The following HUNK variants were observed in gnomAD, a reference collection of about 807,000 sequenced individuals.
HUNK encodes hormonally up-regulated neu tumor-associated kinase.
HUNK carries 21 observed loss-of-function variants against 61.0 expected under a neutral mutation model. The observed-to-expected ratio is 0.34, with a 90% CI of 0.24 to 0.50. HUNK has a LOEUF of 0.50. Ranked by LOEUF, HUNK falls within the 20% of genes least tolerant of loss-of-function variation. HUNK has a pLI of 0.98. For synonymous variants in HUNK, 371 were observed against 386.1 expected (o/e 0.96, Z 0.46); for missense variants, 772 against 945.7 (o/e 0.82, Z 2.41).
rs549553436 is a variant in HUNK at position 31,986,142 on chromosome 21, C to A, written c.1257+2533C>A. On this transcript the variant is annotated intron_variant, in intron 8 of 10. Transcript: ENST00000270112. ...TGGCCAGTTGCTTACTAAATGTTAACCCCCTCTTGCATGAATGAAGGGGTC... is the reference window on the plus strand; with the variant it reads ...TGGCCAGTTGCTTACTAAATGTTAAACCCCTCTTGCATGAATGAAGGGGTC... Among the ~76,000 whole-genome samples the A allele has an allele frequency of 6.5e-3, 985 of 152,112 alleles. 8 individuals carry two copies. Among genetic ancestry groups the A allele is most frequent in the African/African-American group, 0.021 (862 of 41,482 alleles).
intron 2 of HUNK, among the ~76,000 whole-genome samples, chr21:31,939,870 G>A (rs1037366253): frequency 8.6e-5 from 13 of 151,944 alleles, no homozygotes; most frequent in African/African-American, 3.1e-4. Context: ...CCCTGGTTCT[G>A]CTTAACTTCC....
intron 1 of HUNK, among the ~76,000 whole-genome samples, chr21:31,888,443 A>G (rs911903437): frequency 7.5e-6 from 1 of 133,846 alleles, no homozygotes. Context: ...AGCTATTAAT[A>G]ATATGTGTGT....
At chr21:31,938,739 TTGTA>T (rs950544803) in intron 2 of HUNK, among the ~76,000 whole-genome samples, 2 of 152,110 alleles carry the variant, frequency 1.3e-5, no homozygotes, top group Non-Finnish European at 2.9e-5. Context: ...GAACGTGTGT[TTGTA>T]TGTGTGTGTT....
At chr21:31,875,034 C>T (rs1338431906) in intron 1 of HUNK, among the ~76,000 whole-genome samples, 3 of 152,186 alleles carry the variant, frequency 2.0e-5, no homozygotes, top group African/African-American at 7.2e-5. Context: ...TGCCCCCAGG[C>T]TGGGGGTGGC....
chr21:31,925,427 G>C (rs991392552), intron 2 of HUNK, among the ~76,000 whole-genome samples: 4 of 152,204 alleles, frequency 2.6e-5, no homozygotes, highest in African/African-American at 9.6e-5. Flanking sequence ...TTTTCTTCTT[G>C]TTTGCATAGT....
At position 31,974,723 on chromosome 21, in the gene HUNK, T is replaced by G. The variant is rs758562782; in HGVS notation, c.1173+6T>G. ...TGGAGCGCTATTTGTCAGGGGTAAG[T>G]GCGACCCTAGAGGCGATCGTCTCTG... On this transcript the variant is annotated splice_donor_region_variant and intron_variant, in intron 7 of 10. Transcript: ENST00000270112. 1.2e-6 allele frequency: 2 copies of G among 1,612,032 alleles called. No homozygotes were observed. The highest frequency in any genetic ancestry group is 1.7e-6 in the Non-Finnish European group (2 of 1,179,042).
intron 6 of HUNK, among the ~76,000 whole-genome samples, chr21:31,972,861 T>G (rs2053021296): frequency 6.6e-6 from 1 of 152,088 alleles, no homozygotes; most frequent in Admixed American, 6.5e-5. Context: ...GGAGAACTGA[T>G]GTAGGTTACA....
chr21:31,950,918 T>C (rs1023130214), intron 4 of HUNK, among the ~76,000 whole-genome samples: 3 of 152,120 alleles, frequency 2.0e-5, no homozygotes, highest in African/African-American at 2.4e-5. Context: ...TGGCAGAGAC[T>C]TTATCCACAA....
At chr21:31,939,081 C>A (rs2052751241) in intron 2 of HUNK, among the ~76,000 whole-genome samples, 1 of 152,164 alleles carries the variant, frequency 6.6e-6, no homozygotes, top group Non-Finnish European at 1.5e-5. Context: ...AGACACCTCA[C>A]ACTCAACATG....
Position 31,946,188 on chromosome 21 carries a change from C to G in HUNK, c.746+17C>G. The G allele has an allele frequency of 1.9e-6, 3 of 1,603,718 alleles. No individual in the cohort carries two copies. The highest frequency in any genetic ancestry group is 2.6e-6 in the Non-Finnish European group (3 of 1,171,466). On this transcript the variant is annotated intron_variant, in intron 4 of 10. Transcript: ENST00000270112. ...CTGGTCCATGTGAGTTATCAAGCTT[C>G]TGAAAGTCAGTGTTCCTCCTGCTGT... is the stretch of plus-strand genomic sequence containing the variant.
intron 1 of HUNK, among the ~76,000 whole-genome samples, chr21:31,923,595 G>GAGGGA (rs549422345): frequency 0.054 from 6,419 of 119,278 alleles, 607 homozygotes; most frequent in African/African-American, 0.18. Flanking sequence ...GGGAGGGAGG[G>GAGGGA]AGGGAAGGGA....
intron 1 of HUNK, among the ~76,000 whole-genome samples, chr21:31,885,101 A>G (rs2052336820): frequency 6.6e-6 from 1 of 152,146 alleles, no homozygotes; most frequent in African/African-American, 2.4e-5. Context: ...TTTATAAGGC[A>G]TCCAGTCTAT....
At chr21:31,945,486 A>T (rs1271777945) in intron 3 of HUNK, among the ~76,000 whole-genome samples, 1 of 152,136 alleles carries the variant, frequency 6.6e-6, no homozygotes, top group Non-Finnish European at 1.5e-5. Flanking sequence ...TCAAGTCACT[A>T]TATGTGCTGC....
intron 2 of HUNK, among the ~76,000 whole-genome samples, chr21:31,933,979 G>T (rs2052715724): frequency 6.6e-6 from 1 of 152,052 alleles, no homozygotes; most frequent in Non-Finnish European, 1.5e-5. Flanking sequence ...CGACCAGCCT[G>T]CCCTTCACCT....
intron 1 of HUNK, among the ~76,000 whole-genome samples, chr21:31,879,683 G>A (rs2052291704): frequency 6.6e-6 from 1 of 152,192 alleles, no homozygotes; most frequent in Non-Finnish European, 1.5e-5. Context: ...TTGGAGGTCA[G>A]CGCGGCAATC....
At chr21:31,953,526 G>A (rs1474027487) in intron 4 of HUNK, among the ~76,000 whole-genome samples, 4 of 152,214 alleles carry the variant, frequency 2.6e-5, no homozygotes, top group Admixed American at 6.5e-5. Context: ...GAGCCACTGT[G>A]CCCGGCCAGG....
At chr21:31,952,894 A>T (rs543499621) in intron 4 of HUNK, among the ~76,000 whole-genome samples, 1 of 151,942 alleles carries the variant, frequency 6.6e-6, no homozygotes, top group South Asian at 2.1e-4. Context: ...CCAGTCTCTC[A>T]TCCCTCTCAT....
chr21:31,955,263 T>G lies in HUNK; in HGVS notation c.747-3580T>G, dbSNP rs185492990. 4.6e-5 allele frequency among the ~76,000 whole-genome samples: 7 copies of G among 151,360 alleles called. No homozygotes were observed. In the East Asian group the frequency reaches 1.4e-3, roughly 29 times the overall value. On this transcript the variant is annotated intron_variant, in intron 4 of 10. Coordinates refer to ENST00000270112, the MANE Select transcript of HUNK (RefSeq NM_014586.2). ...AGGCTATGACAATAAAAGTGATTTTTTTTTTTTTGGCAAAAATAGTGCATT... is the reference window on the plus strand; with the variant it reads ...AGGCTATGACAATAAAAGTGATTTTGTTTTTTTTGGCAAAAATAGTGCATT...
chr21:31,924,700 G>C lies in HUNK; in HGVS notation c.494G>C (p.Arg165Thr). ...CGGCTGGAGGAGTCCGAAGCCCGCA[G>C]ATACATCCGACAGCTCATCTCTGCC... ...KKRLEESEARRYIRQLISAVE... is the reference protein window; with the variant it reads ...KKRLEESEARTYIRQLISAVE... The change falls in exon 2 of 11, where the codon AGA becomes ACA. Residue 165 changes from arginine (R) to threonine (T), a missense_variant. Physicochemically the swap from Arg to Thr is moderately conservative, Grantham distance 71 (BLOSUM62 -1). Coordinates refer to ENST00000270112, the MANE Select transcript of HUNK (RefSeq NM_014586.2). The surrounding 1 kb of genome is among the most constrained non-coding windows in gnomAD (Gnocchi z 5.1). The C allele has an allele frequency of 6.2e-7, 1 of 1,613,954 alleles. No individual in the cohort carries two copies. The highest frequency in any genetic ancestry group is 8.5e-7 in the Non-Finnish European group (1 of 1,180,024).
Sources: gnomAD v4.1 joint callset for allele counts (sites outside exome capture counted in the v4.1 genomes callset) on GRCh38, gnomAD v4.1.1 for gene constraint, Gnocchi (gnomAD v3.1) non-coding constraint, MANE v1.5 for transcripts, NCBI Gene and HGNC (gene_info 2026-07-23, HGNC 2026-07-21) for gene names.